Variants in GSTM4 observed in about 807,000 individuals in gnomAD.
GSTM4 encodes glutathione S-transferase mu 4.
Under a neutral mutation model 30.1 loss-of-function variants are expected in GSTM4, and 27 were observed. The observed-to-expected ratio is 0.90, with a 90% confidence interval of 0.66 to 1.24. GSTM4 has a LOEUF of 1.24. Ranked by LOEUF, GSTM4 falls within the 50% of genes most tolerant of loss-of-function variation. The pLI is 0.00. For synonymous variants in GSTM4, 94 were observed against 96.2 expected (o/e 0.98, Z 0.13); for missense variants, 238 against 272.1 (o/e 0.87, Z 0.88).
chr1:109,659,529 G>C (rs1047330456), intron 7 of GSTM4: 1 of 581,858 alleles, frequency 1.7e-6, no homozygotes, highest in South Asian at 2.2e-5. Context: ...AACTTTAGGA[G>C]CATGGATGCA....
chr1:109,662,275 G>T (rs528538506), downstream of GSTM4, among the ~76,000 whole-genome samples: 3 of 152,336 alleles, frequency 2.0e-5, no homozygotes, highest in Middle Eastern at 3.4e-3. Context: ...TGGTTAGGCA[G>T]AGCTAGGTCT....
At chr1:109,657,531 A>G (rs765517645) in intron 3 of GSTM4, 59 bp from the exon 4 acceptor site, 3 of 1,611,548 alleles carry the variant, frequency 1.9e-6, no homozygotes, top group Non-Finnish European at 2.5e-6. Flanking sequence ...GCATATGGGA[A>G]GGGGATGCTG....
At chr1:109,665,881 A>T (rs990277431), downstream of GSTM4, among the ~76,000 whole-genome samples, 1 of 152,112 alleles carries the variant, frequency 6.6e-6, no homozygotes, top group African/African-American at 2.4e-5. Context: ...GTGGGTGAAC[A>T]GTGGAAGGGG....
chr1:109,657,643 G>T lies in GSTM4; in HGVS notation c.231G>T (p.Leu77=). Residue 77 remains leucine (L), a synonymous_variant, in exon 4 of 8, where the codon CTG becomes CTT. Coordinates refer to ENST00000369836, the MANE Select transcript of GSTM4 (RefSeq NM_000850.5). ...AGATCACCCAGAGCAACGCCATCCT[G>T]TGCTACATTGCCCGCAAGCACAACC... The part of the protein sequence containing the change: ...AHKITQSNAI[L]CYIARKHNLC... The T allele has an allele frequency of 6.2e-7, 1 of 1,614,258 alleles. No homozygotes were observed. The highest frequency in any genetic ancestry group is 8.5e-7 in the Non-Finnish European group (1 of 1,180,044).
downstream of GSTM4, among the ~76,000 whole-genome samples, chr1:109,666,730 T>C (rs575214796): frequency 6.6e-6 from 1 of 152,240 alleles, no homozygotes; most frequent in South Asian, 2.1e-4. Flanking sequence ...CCTGGGTTTC[T>C]TTTTCTTTTT....
intron 5 of GSTM4, chr1:109,658,609 C>G (rs1196836474): frequency 3.4e-6 from 2 of 595,370 alleles, no homozygotes; most frequent in Non-Finnish European, 6.1e-6. Flanking sequence ...TGTTGCATTC[C>G]TCTCTGCCTT....
intron 1 of GSTM4, 73 bp from the exon 2 acceptor site, chr1:109,656,639 C>T (rs1652009494): frequency 9.1e-6 from 13 of 1,421,926 alleles, no homozygotes; most frequent in Non-Finnish European, 1.3e-5. Flanking sequence ...ACTAGGGGCT[C>T]ACCTGGTGCA....
At chr1:109,657,449 C>T (rs1570616108) in intron 3 of GSTM4, 141 bp from the exon 4 acceptor site, 1 of 1,441,286 alleles carries the variant, frequency 6.9e-7, no homozygotes, top group Non-Finnish European at 9.8e-7. Flanking sequence ...CTCATTTGTT[C>T]ATGTGACAGT....
intron 7 of GSTM4, chr1:109,660,259 T>G (rs1652247441): frequency 6.4e-6 from 1 of 155,168 alleles, no homozygotes; most frequent in South Asian, 2.0e-4. Flanking sequence ...CTGCAGCATA[T>G]GGTCCACCTG....
chr1:109,657,265 C>G lies in GSTM4; in HGVS notation c.163C>G (p.Leu55Val), dbSNP rs775231196. The stretch of plus-strand genomic sequence containing the variant: ...GCTGAATGAAAAATTCAAGCTGGGC[C>G]TGGACTTTCCCAATGTAGGTGCAGG... ...QWLNEKFKLG[L>V]DFPNLPYLID... Residue 55 changes from leucine (L) to valine (V), a missense_variant, in exon 3 of 8, where the codon CTG becomes GTG. Coordinates refer to ENST00000369836, the MANE Select transcript of GSTM4 (RefSeq NM_000850.5). 6.2e-7 allele frequency: 1 copy of G among 1,612,506 alleles called. No individual in the cohort carries two copies. The highest frequency in any genetic ancestry group is 8.5e-7 in the Non-Finnish European group (1 of 1,179,860).
chr1:109,664,341 C>CCTTTTTT (rs1647226667), downstream of GSTM4, among the ~76,000 whole-genome samples: 2 of 35,756 alleles, frequency 5.6e-5, no homozygotes, highest in Non-Finnish European at 4.9e-5. Flanking sequence ...GAGAGAATAG[C>CCTTTTTT]TTTTTTTTTT....
chr1:109,665,415 G>C (rs951394530), downstream of GSTM4: 3 of 238,918 alleles, frequency 1.3e-5, no homozygotes, highest in African/African-American at 6.7e-5. Flanking sequence ...GGCAGATCAT[G>C]GGACTTCTTC....
chr1:109,665,495 A>G (rs1399373760), downstream of GSTM4: 1 of 165,866 alleles, frequency 6.0e-6, no homozygotes, highest in African/African-American at 2.4e-5. Flanking sequence ...CAAATTTCCT[A>G]CAGCCTTATC....
At chr1:109,665,352 C>G, downstream of GSTM4, 2 of 399,626 alleles carry the variant, frequency 5.0e-6, no homozygotes, top group Non-Finnish European at 9.2e-6. Flanking sequence ...TGTTCTGAGG[C>G]CTTTAGCCTC....
At chr1:109,662,671 A>C (rs1386182426), downstream of GSTM4, among the ~76,000 whole-genome samples, 1 of 152,256 alleles carries the variant, frequency 6.6e-6, no homozygotes, top group African/African-American at 2.4e-5. Flanking sequence ...ACATTATTAG[A>C]AAGCAGAAAG....
At chr1:109,658,686 G>T (rs1652151770) in intron 5 of GSTM4, 128 bp from the exon 6 acceptor site, 3 of 733,912 alleles carry the variant, frequency 4.1e-6, no homozygotes, top group Non-Finnish European at 7.4e-6. Context: ...TCCAGCTGAA[G>T]CCAGTTCCAG....
downstream of GSTM4, among the ~76,000 whole-genome samples, chr1:109,664,791 C>T (rs1383529187): frequency 6.6e-6 from 1 of 152,156 alleles, no homozygotes; most frequent in Non-Finnish European, 1.5e-5. Flanking sequence ...TTCAAGTTTT[C>T]TACCTTCACC....
At chr1:109,665,121 G>C, downstream of GSTM4, 1 of 865,578 alleles carries the variant, frequency 1.2e-6, no homozygotes. Context: ...TTCCAGAAGA[G>C]ATTTGCCTTT....
rs144284999 is a variant in GSTM4 at position 109,657,799 on chromosome 1, G to A, written c.287G>A (p.Arg96His). 173 of 1,614,172 alleles carry A rather than the reference G, an allele frequency of 1.1e-4. No homozygotes were observed. The highest frequency in any genetic ancestry group is 1.4e-4 in the Non-Finnish European group (168 of 1,180,028). The change falls in exon 5 of 8, where the codon CGT (arginine) becomes CAT (histidine). Residue 96 changes from arginine to histidine, a missense_variant. Arg to His is a conservative substitution (Grantham distance 29, BLOSUM62 0). Coordinates refer to ENST00000369836, the MANE Select transcript of GSTM4 (RefSeq NM_000850.5). ...LCGETEEEKI[R>H]VDILENQAMD... Reference sequence around the variant, plus strand: ...GGGGAGACAGAAGAGGAGAAGATTCGTGTGGACATTTTGGAGAACCAGGCT... The same window carrying A: ...GGGGAGACAGAAGAGGAGAAGATTCATGTGGACATTTTGGAGAACCAGGCT...
Sources: gnomAD v4.1 joint callset for allele counts (sites outside exome capture counted in the v4.1 genomes callset) on GRCh38, gnomAD v4.1.1 for gene constraint, MANE v1.5 for transcripts, NCBI Gene and HGNC (gene_info 2026-07-23, HGNC 2026-07-21) for gene names.